AGBL3: variants seen among roughly 807,000 people sequenced by gnomAD.
AGBL3 encodes AGBL carboxypeptidase 3, also known as cytosolic carboxypeptidase 3.
A neutral mutation model predicts 94.5 loss-of-function variants in AGBL3; 68 were observed. That is an observed-to-expected ratio of 0.72 (90% confidence interval 0.59 to 0.88). AGBL3 has a LOEUF of 0.88. AGBL3 is among the 40% of genes least tolerant of loss of function. The probability of loss-of-function intolerance (pLI) is 0.00; values close to 1 mark genes in which losing one functional copy is unlikely to be tolerated. For synonymous variants in AGBL3, 354 were observed against 370.7 expected (o/e 0.95, Z 0.52); for missense variants, 934 against 1,103.8 (o/e 0.85, Z 2.18).
chr7:135,004,911 C>T (rs762558250), intron 4 of AGBL3, among the ~76,000 whole-genome samples: 11 of 151,162 alleles, frequency 7.3e-5, no homozygotes, highest in Non-Finnish European at 1.3e-4. Context: ...TTTTATAAAT[C>T]GGATTTATTT....
Position 135,034,817 on chromosome 7 carries a change from T to A in AGBL3, c.1226T>A (p.Ile409Asn), listed in dbSNP as rs757289158. The A allele has an allele frequency of 1.3e-6, 2 of 1,552,080 alleles. No individual in the cohort carries two copies. Among genetic ancestry groups the A allele is most frequent in the African/African-American group, 2.7e-5 (2 of 73,036 alleles). Residue 409 changes from isoleucine to asparagine, a missense_variant, in exon 7 of 17, where the codon ATT becomes AAT. Around this residue, in one of 3 missense-constraint regions of AGBL3, gnomAD observed 488 missense variants for 563.6 expected, o/e 0.87. Transcript: ENST00000436302. ...VVPMLNPDGV[I>N]VGNYRCSLAG... ...CCCATGCTCAATCCAGATGGTGTGA[T>A]TGTGGGAAATTATCGCTGTTCCTTA...
intron 5 of AGBL3, among the ~76,000 whole-genome samples, chr7:135,019,511 G>T (rs1040141995): frequency 4.9e-4 from 74 of 150,142 alleles, no homozygotes; most frequent in Admixed American, 1.9e-3. Flanking sequence ...ATTTTTTTGT[G>T]AATGGTTTGT....
At chr7:135,052,697 A>C (rs1308141656) in intron 11 of AGBL3, among the ~76,000 whole-genome samples, 2 of 152,168 alleles carry the variant, frequency 1.3e-5, no homozygotes, top group Non-Finnish European at 2.9e-5. Flanking sequence ...TTACTTTTAA[A>C]TGTGGTTCTA....
intron 15 of AGBL3, among the ~76,000 whole-genome samples, chr7:135,101,934 G>T (rs1209672137): frequency 6.6e-6 from 1 of 152,170 alleles, no homozygotes; most frequent in East Asian, 1.9e-4. Flanking sequence ...AGTCTCACGA[G>T]ATCCGTTGGT....
chr7:135,056,266 T>A (rs753291192), intron 11 of AGBL3, among the ~76,000 whole-genome samples: 3 of 152,088 alleles, frequency 2.0e-5, no homozygotes, highest in Non-Finnish European at 4.4e-5. Flanking sequence ...TTTAAATTAC[T>A]TCTTTTTTTC....
At position 135,134,882 on chromosome 7, in the gene AGBL3, C is replaced by T. The variant is rs1208113695; in HGVS notation, c.2384C>T (p.Thr795Ile). The change falls in exon 17 of 17, where the codon ACA becomes ATA. Residue 795 changes from threonine (T) to isoleucine (I), a missense_variant. Transcript: ENST00000436302. ...TGCAGAAATATAAAGAAATACAGCA[C>T]ATCTTGGACAGCACCCAGAAATCAC... The part of the protein sequence containing the change: ...ATCRNIKKYS[T>I]SWTAPRNHPF... 1 of 1,550,954 alleles carries T rather than the reference C, an allele frequency of 6.4e-7. No individual in the cohort carries two copies. Among genetic ancestry groups the T allele is most frequent in the African/African-American group, 1.4e-5 (1 of 73,088 alleles).
intron 12 of AGBL3, among the ~76,000 whole-genome samples, chr7:135,066,631 T>C (rs192790777): frequency 3.3e-4 from 50 of 152,338 alleles, no homozygotes; most frequent in Admixed American, 7.8e-4. Flanking sequence ...TCCAAAAGAA[T>C]GGAAATCCAG....
chr7:134,998,183 A>G (rs993786561), intron 4 of AGBL3, among the ~76,000 whole-genome samples: 1 of 152,222 alleles, frequency 6.6e-6, no homozygotes, highest in Non-Finnish European at 1.5e-5. Context: ...ATAATGGCTC[A>G]TTACCTCTGT....
intron 15 of AGBL3, among the ~76,000 whole-genome samples, chr7:135,112,525 C>G (rs1416786762): frequency 6.6e-6 from 1 of 152,198 alleles, no homozygotes; most frequent in Non-Finnish European, 1.5e-5. Flanking sequence ...AGATGACTGT[C>G]CTTTTTTACT....
chr7:135,016,918 T>C (rs1813870053), intron 4 of AGBL3, 134 bp from the exon 5 acceptor site: 1 of 642,650 alleles, frequency 1.6e-6, no homozygotes, highest in Non-Finnish European at 2.8e-6. Context: ...AATGAACCCT[T>C]AGTAAAATCT....
In AGBL3 at chr7:135,115,440, C is replaced by A; in HGVS notation, c.2171C>A (p.Thr724Asn). Residue 724 changes from threonine (T) to asparagine (N), a missense_variant, in exon 16 of 17, where the codon ACT (threonine) becomes AAT (asparagine). Coordinates refer to ENST00000436302, the MANE Select transcript of AGBL3 (RefSeq NM_178563.4). ...KECISFQSKK[T>N]GINWTDDEKR... ...TGCATATCTTTCCAAAGCAAGAAGA[C>A]TGGCATAAATTGGACAGATGATGAA... The A allele has an allele frequency of 6.4e-7, 1 of 1,551,356 alleles. No homozygotes were observed. Among genetic ancestry groups the A allele is most frequent in the Non-Finnish European group, 8.7e-7 (1 of 1,146,800 alleles).
intron 15 of AGBL3, among the ~76,000 whole-genome samples, chr7:135,098,254 C>A (rs543529085): frequency 3.0e-4 from 46 of 152,180 alleles, no homozygotes; most frequent in Non-Finnish European, 5.4e-4. Flanking sequence ...GGATCTCCTA[C>A]AGATACCAAA....
intron 15 of AGBL3, among the ~76,000 whole-genome samples, chr7:135,088,662 A>G (rs1357785780): frequency 6.6e-6 from 1 of 151,990 alleles, no homozygotes; most frequent in Admixed American, 6.5e-5. Flanking sequence ...CTTGACTGGC[A>G]ATTTTTTTTC....
intron 15 of AGBL3, chr7:135,094,555 T>C (rs765107318): frequency 1.0e-4 from 46 of 456,514 alleles, no homozygotes; most frequent in Admixed American, 5.2e-4. Flanking sequence ...CAGGTTCTCA[T>C]AGAGCCAAGA....
intron 4 of AGBL3, among the ~76,000 whole-genome samples, chr7:135,000,334 G>T (rs1046039230): frequency 6.6e-6 from 1 of 152,190 alleles, no homozygotes; most frequent in African/African-American, 2.4e-5. Flanking sequence ...TGAATTGGTA[G>T]ATTCAGTAAA....
intron 16 of AGBL3, among the ~76,000 whole-genome samples, chr7:135,119,738 G>A (rs767020836): frequency 3.3e-5 from 5 of 152,170 alleles, no homozygotes; most frequent in South Asian, 2.1e-4. Flanking sequence ...TTAGCTGGGC[G>A]TGGCAGCGGG....
chr7:134,990,095 ATTAC>A (rs1028740872), intron 3 of AGBL3, among the ~76,000 whole-genome samples: 8 of 152,368 alleles, frequency 5.3e-5, no homozygotes, highest in African/African-American at 1.9e-4. Flanking sequence ...AAAATTGAGA[ATTAC>A]TTCTATAGGC....
chr7:135,017,479 T>G (rs932374043), intron 5 of AGBL3, among the ~76,000 whole-genome samples: 2 of 152,220 alleles, frequency 1.3e-5, no homozygotes, highest in Non-Finnish European at 2.9e-5. Context: ...TATTGTTCCC[T>G]CTCCATGTAT....
At chr7:135,126,818 G>A (rs974851349) in intron 16 of AGBL3, among the ~76,000 whole-genome samples, 1 of 152,184 alleles carries the variant, frequency 6.6e-6, no homozygotes, top group South Asian at 2.1e-4. Flanking sequence ...CTAGCCATGT[G>A]CAGAAAACTG....
Sources: gnomAD v4.1 joint callset for allele counts (sites outside exome capture counted in the v4.1 genomes callset) on GRCh38, gnomAD v4.1.1 for gene constraint, gnomAD v4.1.1 regional missense constraint, MANE v1.5 for transcripts, NCBI Gene and HGNC (gene_info 2026-07-23, HGNC 2026-07-21) for gene names.